DMXL1: variants seen among roughly 807,000 people sequenced by gnomAD.
DMXL1 encodes dmX-like protein 1.
Under a neutral mutation model 319.2 loss-of-function variants are expected in DMXL1, and 99 were observed. The ratio of observed to expected loss-of-function variants is 0.31; its 90% CI spans 0.26 to 0.37. DMXL1 has a LOEUF of 0.37. DMXL1 is among the 10% of genes least tolerant of loss of function. The probability of loss-of-function intolerance (pLI) is 1.00; values close to 1 mark genes in which losing one functional copy is unlikely to be tolerated. For synonymous variants in DMXL1, 1,385 were observed against 1,235.2 expected (o/e 1.12, Z -2.54); for missense variants, 3,745 against 3,595.6 (o/e 1.04, Z -1.06).
intron 13 of DMXL1, among the ~76,000 whole-genome samples, chr5:119,142,795 A>C (rs1767705446): frequency 6.6e-6 from 1 of 152,162 alleles, no homozygotes; most frequent in Non-Finnish European, 1.5e-5. Context: ...CCAAATGCCC[A>C]TGAGTGACAG....
intron 33 of DMXL1, among the ~76,000 whole-genome samples, chr5:119,205,648 T>C (rs1295669988): frequency 5.3e-5 from 8 of 152,108 alleles, no homozygotes; most frequent in African/African-American, 1.9e-4. Context: ...TTGTTGTTAT[T>C]GCTTTGTTGT....
Position 119,147,395 on chromosome 5 carries a change from T to G in DMXL1, c.2836T>G (p.Phe946Val). ...NLQSTSRLTL[F>V]SEMVYSQELH... Reference sequence around the variant, plus strand: ...CCAGAGTACCAGCAGGTTGACTCTGTTTTCAGAAATGGTTTATAGCCAAGA... The same window carrying G: ...CCAGAGTACCAGCAGGTTGACTCTGGTTTCAGAAATGGTTTATAGCCAAGA... Residue 946 changes from phenylalanine to valine, a missense_variant, in exon 17 of 44, where the codon TTT (phenylalanine) becomes GTT (valine). By Grantham distance (50) the Phe-to-Val change is conservative. This residue lies in a region of DMXL1 where 2,096 missense variants were observed against 1,985.4 expected (regional missense o/e 1.06). Transcript: ENST00000539542. The G allele has an allele frequency of 2.5e-6, 4 of 1,613,562 alleles. No individual in the cohort carries two copies. Among genetic ancestry groups the G allele is most frequent in the Non-Finnish European group, 2.5e-6 (3 of 1,179,718 alleles).
intron 4 of DMXL1, among the ~76,000 whole-genome samples, chr5:119,106,308 G>T (rs1398345198): frequency 6.6e-6 from 1 of 152,130 alleles, no homozygotes; most frequent in Non-Finnish European, 1.5e-5. Flanking sequence ...ATGGTCACAG[G>T]TCCAGCTAAT....
Position 119,202,901 on chromosome 5 carries a change from ATATATT to A in DMXL1, c.7746-412_7746-407del, listed in dbSNP as rs1561865879. Reference sequence around the variant, plus strand: ...TATATATTTTTATATATATATATATATATATTTATATATTTTTATATATATATAATT... The same window carrying A: ...TATATATTTTTATATATATATATATATATATATTTTTATATATATATAATT... On this transcript the variant is annotated intron_variant, in intron 32 of 43. Coordinates refer to ENST00000539542, the MANE Select transcript of DMXL1 (RefSeq NM_001290321.3). 2.3e-4 allele frequency among the ~76,000 whole-genome samples: 33 copies of A among 144,760 alleles called. 2 individuals are homozygous for A. Among genetic ancestry groups the A allele is most frequent in the African/African-American group, 7.8e-4 (31 of 39,696 alleles). 95.0% of individuals were successfully genotyped at this position (144,760 alleles called of 152,430 possible).
At chr5:119,164,265 G>A (rs571577481) in intron 19 of DMXL1, among the ~76,000 whole-genome samples, 2 of 152,132 alleles carry the variant, frequency 1.3e-5, no homozygotes, top group South Asian at 2.1e-4. Flanking sequence ...AGTGGAATTT[G>A]CCATAAGCAT....
chr5:119,230,994 C>G (rs561758797), intron 38 of DMXL1, among the ~76,000 whole-genome samples: 1 of 152,276 alleles, frequency 6.6e-6, no homozygotes, highest in African/African-American at 2.4e-5. Context: ...TTGTTGAAGA[C>G]TTTTAAGATT....
chr5:119,225,241 T>C (rs1209369736), intron 38 of DMXL1, among the ~76,000 whole-genome samples: 1 of 152,068 alleles, frequency 6.6e-6, no homozygotes, highest in African/African-American at 2.4e-5. Flanking sequence ...AGTTGGTCTT[T>C]TATGAGACAC....
intron 13 of DMXL1, among the ~76,000 whole-genome samples, chr5:119,139,661 C>A (rs188658305): frequency 1.3e-5 from 2 of 152,102 alleles, no homozygotes; most frequent in African/African-American, 2.4e-5. Context: ...ACATAGACTC[C>A]CACACAATAA....
intron 19 of DMXL1, among the ~76,000 whole-genome samples, chr5:119,162,487 C>T (rs965958283): frequency 6.6e-6 from 1 of 152,198 alleles, no homozygotes; most frequent in Non-Finnish European, 1.5e-5. Flanking sequence ...TAGTTGACAC[C>T]TTCTTGCTAC....
chr5:119,133,265 G>C lies in DMXL1; in HGVS notation c.1449G>C (p.Leu483=). Residue 483 remains leucine (L), a synonymous_variant, in exon 11 of 44, where the codon CTG becomes CTC. Transcript: ENST00000539542. ...TTGATCATCAGATTGAAGTACTTCT[G>C]TCTGAATGGAGTAAAAATGCAGATA... The part of the protein sequence containing the change: ...AAIDHQIEVL[L]SEWSKNADML... 6.2e-7 allele frequency: 1 copy of C among 1,614,116 alleles called. No individual in the cohort carries two copies. The highest frequency in any genetic ancestry group is 8.5e-7 in the Non-Finnish European group (1 of 1,180,002).
chr5:119,185,457 A>G (rs1238479919), intron 28 of DMXL1, among the ~76,000 whole-genome samples: 1 of 152,144 alleles, frequency 6.6e-6, no homozygotes, highest in African/African-American at 2.4e-5. Flanking sequence ...TTTGAGGGTC[A>G]GTCTTTCTAA....
chr5:119,117,090 C>T (rs1332873406), intron 7 of DMXL1, among the ~76,000 whole-genome samples: 2 of 152,002 alleles, frequency 1.3e-5, no homozygotes, highest in Admixed American at 6.6e-5. Context: ...GTGCGGTGCC[C>T]CAGTCATGGC....
At chr5:119,196,086 C>G (rs1048988363) in intron 30 of DMXL1, among the ~76,000 whole-genome samples, 1 of 152,120 alleles carries the variant, frequency 6.6e-6, no homozygotes, top group Non-Finnish European at 1.5e-5. Context: ...CATATTAACA[C>G]TTAGAGATCC....
At chr5:119,139,208 A>G (rs1007373261) in intron 13 of DMXL1, among the ~76,000 whole-genome samples, 4 of 152,228 alleles carry the variant, frequency 2.6e-5, no homozygotes, top group African/African-American at 7.2e-5. Context: ...CAGTAACACT[A>G]TAAAGCAACC....
intron 1 of DMXL1, among the ~76,000 whole-genome samples, chr5:119,089,293 T>TATATATA (rs70982466): frequency 1.2e-4 from 3 of 25,330 alleles, no homozygotes; most frequent in East Asian, 5.3e-3. Context: ...TATATATATA[T>TATATATA]TTTTTTTTTT....
chr5:119,099,340 A>G (rs1392351582), intron 2 of DMXL1, among the ~76,000 whole-genome samples: 1 of 151,992 alleles, frequency 6.6e-6, no homozygotes, highest in Non-Finnish European at 1.5e-5. Context: ...CCTCCCAAAT[A>G]GCTGGAATTA....
At chr5:119,072,354 C>T (rs997688425) in intron 1 of DMXL1, among the ~76,000 whole-genome samples, 1 of 151,816 alleles carries the variant, frequency 6.6e-6, no homozygotes, top group Non-Finnish European at 1.5e-5. Flanking sequence ...TCTACCTTAA[C>T]TATAGGTTTT....
chr5:119,186,477 T>C (rs1214698503), intron 28 of DMXL1, among the ~76,000 whole-genome samples: 2 of 152,258 alleles, frequency 1.3e-5, no homozygotes, highest in African/African-American at 4.8e-5. Context: ...CAGGCTGGTC[T>C]TGAACTCTAA....
At position 119,166,619 on chromosome 5, in the gene DMXL1, T is replaced by G; in HGVS notation, c.4974T>G (p.Ala1658=). The change falls in exon 22 of 44, where the codon GCT becomes GCG. Residue 1658 remains alanine, a synonymous_variant. Coordinates refer to ENST00000539542, the MANE Select transcript of DMXL1 (RefSeq NM_001290321.3). ...CACCATTTTTTTTCCTTTATAGAGC[T>G]GAAAAAAACACCAGGATGACACAGT... is the stretch of plus-strand genomic sequence containing the variant. ...KKAVIWGLYR[A]EKNTRMTQFF... is the part of the protein sequence containing the mutation. 1 of 1,602,768 alleles carries G rather than the reference T, an allele frequency of 6.2e-7. No individual in the cohort carries two copies. Among genetic ancestry groups the G allele is most frequent in the Non-Finnish European group, 8.5e-7 (1 of 1,176,818 alleles).
Sources: allele counts gnomAD v4.1 joint callset (sites outside exome capture counted in the v4.1 genomes callset), GRCh38; gene constraint gnomAD v4.1.1; regional missense constraint gnomAD v4.1.1; transcripts MANE v1.5; gene names NCBI Gene and HGNC (gene_info 2026-07-23, HGNC 2026-07-21).